Variants in ZMYND8 observed in about 807,000 individuals in gnomAD.
ZMYND8 encodes the protein MYND-type zinc finger-containing chromatin reader ZMYND8.
Under a neutral mutation model 140.8 loss-of-function variants are expected in ZMYND8, and 37 were observed. That is an observed-to-expected ratio of 0.26 (90% CI 0.20 to 0.35). The LOEUF (loss-of-function observed/expected upper bound fraction) is 0.35, where lower values mean the gene tolerates loss of function less well. Ranked by LOEUF, ZMYND8 falls within the 10% of genes least tolerant of loss-of-function variation. The probability of loss-of-function intolerance (pLI) is 1.00; values close to 1 mark genes in which losing one functional copy is unlikely to be tolerated. For missense variants in ZMYND8, 1,068 were observed against 1,570.0 expected (o/e 0.68, Z 5.40); for synonymous variants, 592 against 597.1 (o/e 0.99, Z 0.12).
intron 17 of ZMYND8, among the ~76,000 whole-genome samples, chr20:47,227,816 G>A (rs760832015): frequency 1.2e-4 from 18 of 152,228 alleles, no homozygotes; most frequent in Non-Finnish European, 5.9e-5. Flanking sequence ...GTTTTGGCCA[G>A]GTGCGGTGGC....
At chr20:47,210,963 A>G in intron 22 of ZMYND8, 66 bp from the exon 23 acceptor site, 1 of 1,575,866 alleles carries the variant, frequency 6.3e-7, no homozygotes, top group Non-Finnish European at 8.7e-7. Flanking sequence ...CTATCCTGCA[A>G]TCTGACCTGC....
Position 47,347,410 on chromosome 20 carries a change from ACATT to A in ZMYND8, c.85+442_85+445del, listed in dbSNP as rs546379997. ...TGGCCCCGGCATCCCAGCAAGCTCTACATTTCCTTTTTATCTCTAACCCAAGACC... is the reference window on the plus strand; with the variant it reads ...TGGCCCCGGCATCCCAGCAAGCTCTATCCTTTTTATCTCTAACCCAAGACC... On this transcript the variant is annotated intron_variant, in intron 2 of 22. Coordinates refer to ENST00000471951, the MANE Select transcript of ZMYND8 (RefSeq NM_001281775.3). 5.4e-4 allele frequency among the ~76,000 whole-genome samples: 83 copies of A among 152,328 alleles called. 1 individual carries two copies. The highest frequency in any genetic ancestry group is 3.3e-3 in the South Asian group (16 of 4,818).
chr20:47,294,455 A>C lies in ZMYND8; in HGVS notation c.567+211T>G, dbSNP rs530241568. The stretch of plus-strand genomic sequence containing the variant: ...AGTGTGAAAACAGACTAATGTACCA[A>C]TTAAACTCCTCTGGGACATACAGTG... On this transcript the variant is annotated intron_variant, in intron 5 of 22. Transcript: ENST00000471951. 9.9e-4 allele frequency among the ~76,000 whole-genome samples: 151 copies of C among 152,342 alleles called. 3 individuals carry two copies. The South Asian group carries it at 0.031, about 31-fold the overall frequency.
At chr20:47,277,401 G>C (rs1601534312) in intron 10 of ZMYND8, among the ~76,000 whole-genome samples, 1 of 152,216 alleles carries the variant, frequency 6.6e-6, no homozygotes, top group East Asian at 1.9e-4. Flanking sequence ...ATGACAGCAT[G>C]TTTTTGCAGA....
At position 47,267,266 on chromosome 20, in the gene ZMYND8, G is replaced by A. The variant is rs114752196; in HGVS notation, c.1481-4838C>T. On this transcript the variant is annotated intron_variant, in intron 11 of 22. Transcript: ENST00000471951. ...GGGTGAGAGGTAGGGGTGGAAGTTT[G>A]TGGGGGATGGGGAGTGGCTGTTTGG... is the stretch of plus-strand genomic sequence containing the variant. 1.7e-3 allele frequency among the ~76,000 whole-genome samples: 260 copies of A among 151,822 alleles called. 1 individual carries two copies. The highest frequency in any genetic ancestry group is 6.1e-3 in the African/African-American group (251 of 41,364).
chr20:47,283,898 G>A (rs1483323270), intron 8 of ZMYND8, among the ~76,000 whole-genome samples: 1 of 151,140 alleles, frequency 6.6e-6, no homozygotes, highest in Non-Finnish European at 1.5e-5. Context: ...CCCCATTATA[G>A]ACATTCCCTG....
At chr20:47,282,330 A>T in intron 9 of ZMYND8, 113 bp from the exon 10 acceptor site, 1 of 867,322 alleles carries the variant, frequency 1.2e-6, no homozygotes, top group Non-Finnish European at 1.8e-6. Flanking sequence ...CATGAGTGGA[A>T]AAAGAGTTTC....
At chr20:47,354,334 C>T (rs954165431) in intron 1 of ZMYND8, 5 of 152,130 alleles carry the variant, frequency 3.3e-5, no homozygotes, top group Non-Finnish European at 5.9e-5. Flanking sequence ...ATTATGCAAA[C>T]GTTGAAGGCA....
At chr20:47,340,086 G>T (rs1244721768) in intron 2 of ZMYND8, among the ~76,000 whole-genome samples, 2 of 152,024 alleles carry the variant, frequency 1.3e-5, no homozygotes, top group African/African-American at 2.4e-5. Context: ...GAGATTACAG[G>T]TGCCTGCCAC....
At chr20:47,274,216 A>G (rs1419000268) in intron 11 of ZMYND8, among the ~76,000 whole-genome samples, 6 of 152,224 alleles carry the variant, frequency 3.9e-5, no homozygotes, top group Non-Finnish European at 7.3e-5. Context: ...CAGGAGAACC[A>G]ATGGTCATAT....
intron 20 of ZMYND8, 38 bp downstream of exon 20, chr20:47,221,276 G>A: frequency 1.2e-6 from 2 of 1,611,092 alleles, no homozygotes. Context: ...GGCACAAAGG[G>A]TAGATGTCAC....
chr20:47,224,339 G>A lies in ZMYND8; in HGVS notation c.3234C>T (p.His1078=). 1 of 1,614,258 alleles carries A rather than the reference G, an allele frequency of 6.2e-7. No homozygotes were observed. Among genetic ancestry groups the A allele is most frequent in the Non-Finnish European group, 8.5e-7 (1 of 1,180,046 alleles). The part of the protein sequence containing the change: ...YPCQQAHWPE[H]MKSCTQSATA... ...TACCTGACTGGGTGCAGGACTTCAT[G>A]TGCTCAGGCCAGTGGGCTTGCTGGC... The change falls in exon 19 of 23, where the codon CAC becomes CAT. Residue 1078 remains histidine, a synonymous_variant. Transcript: ENST00000471951.
chr20:47,336,059 G>A (rs945795255), intron 2 of ZMYND8, among the ~76,000 whole-genome samples: 4 of 152,224 alleles, frequency 2.6e-5, no homozygotes, highest in South Asian at 4.1e-4. Context: ...CTTCTGCATC[G>A]CGCTGTGATT....
At chr20:47,327,773 A>G (rs2148418729) in intron 2 of ZMYND8, among the ~76,000 whole-genome samples, 1 of 152,310 alleles carries the variant, frequency 6.6e-6, no homozygotes, top group South Asian at 2.1e-4. Flanking sequence ...CGAGGTCTCC[A>G]TTATTCTTAA....
chr20:47,287,154 C>G, intron 8 of ZMYND8, 75 bp downstream of exon 8: 1 of 1,346,236 alleles, frequency 7.4e-7, no homozygotes, highest in Non-Finnish European at 1.1e-6. Context: ...ATAGGAGATT[C>G]TGCAAATGGA....
chr20:47,238,499 C>G (rs1338849625), intron 15 of ZMYND8: 2 of 582,890 alleles, frequency 3.4e-6, no homozygotes, highest in Non-Finnish European at 5.9e-6. Context: ...TTATGTAAAA[C>G]TTTCTGCCCC....
At chr20:47,247,435 A>G (rs944353300) in intron 13 of ZMYND8, among the ~76,000 whole-genome samples, 3 of 152,252 alleles carry the variant, frequency 2.0e-5, no homozygotes, top group African/African-American at 2.4e-5. Context: ...TCAAGAGAGA[A>G]GTCACATACT....
intron 2 of ZMYND8, among the ~76,000 whole-genome samples, chr20:47,331,456 G>A (rs1042083737): frequency 2.6e-5 from 4 of 152,150 alleles, no homozygotes; most frequent in African/African-American, 7.2e-5. Flanking sequence ...AGTTTGAGAC[G>A]CCCATGAACA....
chr20:47,230,385 G>C (rs1425668924), intron 16 of ZMYND8, among the ~76,000 whole-genome samples: 1 of 151,844 alleles, frequency 6.6e-6, no homozygotes, highest in Non-Finnish European at 1.5e-5. Context: ...TCCGCCTCCA[G>C]GTTCAGGCGA....
Sources: allele counts gnomAD v4.1 joint callset (sites outside exome capture counted in the v4.1 genomes callset), GRCh38; gene constraint gnomAD v4.1.1; transcripts MANE v1.5; gene names NCBI Gene and HGNC (gene_info 2026-07-23, HGNC 2026-07-21).